Variants in DCDC2 observed in about 807,000 individuals in gnomAD.
DCDC2 encodes the protein doublecortin domain containing 2, also known as doublecortin domain-containing protein 2.
Under a neutral mutation model 50.2 loss-of-function variants are expected in DCDC2, and 40 were observed. The observed-to-expected ratio is 0.80, with a 90% CI of 0.62 to 1.04. The LOEUF (loss-of-function observed/expected upper bound fraction) is 1.04, where lower values mean the gene tolerates loss of function less well. DCDC2 is among the 50% of genes least tolerant of loss of function. DCDC2 has a pLI of 0.00. For missense variants in DCDC2, 570 were observed against 581.9 expected (o/e 0.98, Z 0.21); for synonymous variants, 234 against 210.6 (o/e 1.11, Z -0.96).
At chr6:24,284,334 G>A (rs572295294) in intron 6 of DCDC2, among the ~76,000 whole-genome samples, 3 of 152,098 alleles carry the variant, frequency 2.0e-5, no homozygotes, top group East Asian at 1.9e-4. Flanking sequence ...CAGGCCAGGC[G>A]TGGTGGCTCA....
chr6:24,276,167 C>T (rs1293007598), intron 7 of DCDC2, among the ~76,000 whole-genome samples: 1 of 151,960 alleles, frequency 6.6e-6, no homozygotes, highest in African/African-American at 2.4e-5. Flanking sequence ...CTGTACCAGC[C>T]AATAATTCAA....
intron 7 of DCDC2, among the ~76,000 whole-genome samples, chr6:24,272,223 TATTA>T (rs1377889633): frequency 5.3e-5 from 8 of 152,238 alleles, no homozygotes; most frequent in African/African-American, 1.9e-4. Flanking sequence ...AACTAACTTT[TATTA>T]ATAGAGTTTA....
chr6:24,279,338 G>C (rs1326906364), intron 6 of DCDC2, among the ~76,000 whole-genome samples: 1 of 152,100 alleles, frequency 6.6e-6, no homozygotes, highest in Non-Finnish European at 1.5e-5. Context: ...TACCTAGGGG[G>C]CAAAGGTGGG....
intron 7 of DCDC2, among the ~76,000 whole-genome samples, chr6:24,258,857 CA>C (rs1762951103): frequency 6.6e-6 from 1 of 152,156 alleles, no homozygotes; most frequent in South Asian, 2.1e-4. Flanking sequence ...AGGAGCTAAG[CA>C]AGTTTGAATC....
At chr6:24,296,197 G>A (rs57212724) in intron 4 of DCDC2, among the ~76,000 whole-genome samples, 5,651 of 152,122 alleles carry the variant, frequency 0.037, 308 homozygotes, top group African/African-American at 0.13. Context: ...TCTGTTCTTC[G>A]ACAAAACTAA....
At chr6:24,382,050 G>A in the DCDC2 span, among the ~76,000 whole-genome samples, 5 of 151,774 alleles carry the variant, frequency 3.3e-5, no homozygotes, top group East Asian at 9.8e-4. Flanking sequence ...TCTCCTCCAT[G>A]GTGATTTCAC....
chr6:24,172,169 G>C lies in DCDC2; in HGVS notation c.*2561C>G, dbSNP rs774062828. 2 of 152,204 alleles carry C rather than the reference G, an allele frequency of 1.3e-5. No homozygotes were observed. The highest frequency in any genetic ancestry group is 2.4e-5 in the African/African-American group (1 of 41,450). The allele number at this position is 152,204 out of a possible 1,614,324, so 9.4% of individuals were successfully genotyped here. On this transcript the variant is annotated 3_prime_UTR_variant, in exon 10 of 10. Coordinates refer to ENST00000378454, the MANE Select transcript of DCDC2 (RefSeq NM_016356.5). Reference sequence around the variant, plus strand: ...CATTTATGTTAAAGTCATCTCTGAAGTGACATCCACAATTTTAATTCCAAG... The same window carrying C: ...CATTTATGTTAAAGTCATCTCTGAACTGACATCCACAATTTTAATTCCAAG...
At chr6:24,366,738 A>G in the DCDC2 span, among the ~76,000 whole-genome samples, 3 of 152,230 alleles carry the variant, frequency 2.0e-5, no homozygotes, top group African/African-American at 7.2e-5. Flanking sequence ...TGCTTTTTAA[A>G]GAGAATATTG....
At chr6:24,353,405 A>G (rs540882818) in intron 2 of DCDC2, 164 bp downstream of exon 2, 43 of 653,598 alleles carry the variant, frequency 6.6e-5, no homozygotes, top group Non-Finnish European at 1.1e-4. Context: ...ATTTCTGACA[A>G]TGATTCAAAG....
At chr6:24,364,723 A>C in the DCDC2 span, among the ~76,000 whole-genome samples, 1 of 151,654 alleles carries the variant, frequency 6.6e-6, no homozygotes. Flanking sequence ...AAGGAAACAT[A>C]TTTTCAGATC....
intron 2 of DCDC2, among the ~76,000 whole-genome samples, chr6:24,341,925 G>T (rs1450048406): frequency 7.2e-6 from 1 of 139,326 alleles, no homozygotes; most frequent in Non-Finnish European, 1.5e-5. Context: ...CATGTAAGAG[G>T]GCGCACGCAT....
chr6:24,184,134 A>G (rs1319240586), intron 8 of DCDC2, among the ~76,000 whole-genome samples: 2 of 152,210 alleles, frequency 1.3e-5, no homozygotes, highest in Non-Finnish European at 2.9e-5. Flanking sequence ...GTGTAAACAA[A>G]AGGCAGTCTT....
intron 7 of DCDC2, among the ~76,000 whole-genome samples, chr6:24,211,784 A>T (rs566945121): frequency 6.6e-6 from 1 of 152,328 alleles, no homozygotes; most frequent in Admixed American, 6.5e-5. Context: ...GCTTGGTTGT[A>T]ACCCAGTAAG....
At chr6:24,293,829 C>T (rs1763802458) in intron 4 of DCDC2, among the ~76,000 whole-genome samples, 1 of 152,238 alleles carries the variant, frequency 6.6e-6, no homozygotes, top group South Asian at 2.1e-4. Flanking sequence ...ATACCAAACA[C>T]ACCCTCAGAT....
intron 4 of DCDC2, among the ~76,000 whole-genome samples, chr6:24,291,317 A>C (rs1221036520): frequency 6.6e-6 from 1 of 152,204 alleles, no homozygotes; most frequent in Non-Finnish European, 1.5e-5. Flanking sequence ...CTTGCTGTAC[A>C]GGGTTTCACC....
At chr6:24,329,810 G>T (rs1759935645) in intron 2 of DCDC2, among the ~76,000 whole-genome samples, 1 of 152,134 alleles carries the variant, frequency 6.6e-6, no homozygotes, top group South Asian at 2.1e-4. Flanking sequence ...ATGAAGACAT[G>T]AATGAATAAA....
intron 7 of DCDC2, among the ~76,000 whole-genome samples, chr6:24,237,528 A>G (rs1443166399): frequency 6.6e-6 from 1 of 152,224 alleles, no homozygotes; most frequent in East Asian, 1.9e-4. Flanking sequence ...TCAAAGGACT[A>G]AAAATAGAAC....
intron 7 of DCDC2, among the ~76,000 whole-genome samples, chr6:24,242,727 C>T (rs1355985676): frequency 6.6e-6 from 1 of 152,110 alleles, no homozygotes; most frequent in Non-Finnish European, 1.5e-5. Flanking sequence ...CTTGGGAGGC[C>T]AAGACGGGCG....
At chr6:24,217,659 T>G (rs1762011497) in intron 7 of DCDC2, among the ~76,000 whole-genome samples, 1 of 152,236 alleles carries the variant, frequency 6.6e-6, no homozygotes, top group African/African-American at 2.4e-5. Flanking sequence ...TGTTTTCAAT[T>G]TAACTGTTCT....
Sources: gnomAD v4.1 joint callset for allele counts (sites outside exome capture counted in the v4.1 genomes callset) on GRCh38, gnomAD v4.1.1 for gene constraint, MANE v1.5 for transcripts, NCBI Gene and HGNC (gene_info 2026-07-23, HGNC 2026-07-21) for gene names.